Variants in AGPS observed in about 807,000 individuals in gnomAD.
The protein encoded by AGPS is alkyldihydroxyacetonephosphate synthase, peroxisomal.
In AGPS, 26 loss-of-function variants were observed where a neutral mutation model predicts 90.7. The ratio of observed to expected loss-of-function variants is 0.29; its 90% CI spans 0.21 to 0.40. The LOEUF is 0.40. Among genes scored for constraint, AGPS ranks in the 10% least tolerant of loss-of-function variants. The probability of loss-of-function intolerance (pLI) is 1.00; values close to 1 mark genes in which losing one functional copy is unlikely to be tolerated. For synonymous variants in AGPS, 294 were observed against 285.3 expected, an observed-to-expected ratio of 1.03 and a Z score of -0.31; for missense variants, 540 against 816.1, an observed-to-expected ratio of 0.66 and a Z score of 4.12.
At chr2:177,476,607 G>A (rs536839321) in intron 10 of AGPS, among the ~76,000 whole-genome samples, 1 of 152,204 alleles carries the variant, frequency 6.6e-6, no homozygotes, top group South Asian at 2.1e-4. Flanking sequence ...CCTGGAGAAT[G>A]TTCTGTGAGC....
rs542720396 is a variant in AGPS at position 177,446,926 on chromosome 2, T to G, written c.870+1300T>G. 1.1e-4 allele frequency among the ~76,000 whole-genome samples: 16 copies of G among 152,322 alleles called. 1 individual carries two copies. The South Asian group carries it at 1.9e-3, about 18-fold the overall frequency. On this transcript the variant is annotated intron_variant, in intron 8 of 19. Coordinates refer to ENST00000264167, the MANE Select transcript of AGPS (RefSeq NM_003659.4). ...GAGTTCTTATAGTACCTTTTTGGGATCCTAATGAATTTTTGGAAAACTTTA... is the reference window on the plus strand; with the variant it reads ...GAGTTCTTATAGTACCTTTTTGGGAGCCTAATGAATTTTTGGAAAACTTTA...
At chr2:177,416,730 T>C (rs928289131) in intron 1 of AGPS, among the ~76,000 whole-genome samples, 3 of 151,902 alleles carry the variant, frequency 2.0e-5, no homozygotes, top group Non-Finnish European at 2.9e-5. Context: ...GGGGTTTCAC[T>C]ATATTAGCCA....
rs1052579200 is a variant in AGPS, at chr2:177,540,673, T to G, written c.*2478T>G. ...TTCTTAACTCATTTTTAATGTTTAT[T>G]TTTAATTTCAAAAACTTGTTGCCTA... is the stretch of plus-strand genomic sequence containing the variant. On this transcript the variant is annotated 3_prime_UTR_variant, in exon 20 of 20. Transcript: ENST00000264167. 6.6e-6 allele frequency: 1 copy of G among 152,112 alleles called. No homozygotes were observed. The highest frequency in any genetic ancestry group is 1.5e-5 in the Non-Finnish European group (1 of 67,954). The allele number at this position is 152,112 out of a possible 1,614,324, so 9.4% of individuals were successfully genotyped here.
At chr2:177,472,925 T>C (rs1356677821) in intron 10 of AGPS, among the ~76,000 whole-genome samples, 1 of 152,190 alleles carries the variant, frequency 6.6e-6, no homozygotes, top group Non-Finnish European at 1.5e-5. Flanking sequence ...CTTCTTCCCA[T>C]AGCCAGGGCT....
chr2:177,501,805 T>C (rs1688567863), intron 14 of AGPS, among the ~76,000 whole-genome samples: 1 of 152,136 alleles, frequency 6.6e-6, no homozygotes, highest in African/African-American at 2.4e-5. Flanking sequence ...GTAGCTGGGA[T>C]TACAGGCTCA....
intron 1 of AGPS, among the ~76,000 whole-genome samples, chr2:177,415,956 T>G (rs1032144625): frequency 1.3e-5 from 2 of 152,328 alleles, no homozygotes; most frequent in East Asian, 3.9e-4. Context: ...TTATTGGAAT[T>G]TTATCAGAAA....
chr2:177,398,350 A>G (rs1026337565), intron 1 of AGPS, among the ~76,000 whole-genome samples: 1 of 152,244 alleles, frequency 6.6e-6, no homozygotes, highest in Non-Finnish European at 1.5e-5. Context: ...ATATGACAGG[A>G]ACCATGCTAA....
chr2:177,441,206 A>G (rs1224365066), intron 6 of AGPS, 170 bp downstream of exon 6: 2 of 630,486 alleles, frequency 3.2e-6, no homozygotes, highest in Non-Finnish European at 5.6e-6. Flanking sequence ...AGGATTCCTT[A>G]AACTGTTTGA....
chr2:177,441,232 A>G, intron 6 of AGPS, 196 bp downstream of exon 6: 2 of 539,124 alleles, frequency 3.7e-6, no homozygotes, highest in Non-Finnish European at 6.5e-6. Context: ...GGTATACCTT[A>G]GTTCATGGCT....
chr2:177,493,286 G>T, intron 12 of AGPS, 87 bp downstream of exon 12: 1 of 1,165,962 alleles, frequency 8.6e-7, no homozygotes. Flanking sequence ...TGCAGAGGTA[G>T]AAAGAACGTC....
intron 17 of AGPS, among the ~76,000 whole-genome samples, chr2:177,517,704 T>C (rs895261248): frequency 6.6e-6 from 1 of 152,190 alleles, no homozygotes; most frequent in African/African-American, 2.4e-5. Context: ...TGTACAAATA[T>C]TTCCTGTGTA....
chr2:177,538,264 A>G lies in AGPS; in HGVS notation c.*69A>G. On this transcript the variant is annotated 3_prime_UTR_variant, in exon 20 of 20. Transcript: ENST00000264167. ...GTTTTCAACTGTGGTTATACTAGTA[A>G]TCAAATATATCATGGACTATATTTT... 2 of 1,440,454 alleles carry G rather than the reference A, an allele frequency of 1.4e-6. 1 individual carries two copies. 89.2% of individuals were successfully genotyped at this position (1,440,454 alleles called of 1,614,324 possible).
chr2:177,489,913 T>C (rs1476642431), intron 11 of AGPS, among the ~76,000 whole-genome samples: 1 of 152,180 alleles, frequency 6.6e-6, no homozygotes, highest in Non-Finnish European at 1.5e-5. Context: ...TCACTTTAAC[T>C]CAAGGACCTT....
intron 9 of AGPS, among the ~76,000 whole-genome samples, chr2:177,465,128 T>C (rs1289771464): frequency 6.6e-6 from 1 of 152,074 alleles, no homozygotes; most frequent in African/African-American, 2.4e-5. Flanking sequence ...ATGTCATCTC[T>C]ACAAAAAATT....
At chr2:177,528,303 T>TA (rs1367481062) in intron 19 of AGPS, among the ~76,000 whole-genome samples, 2 of 152,186 alleles carry the variant, frequency 1.3e-5, no homozygotes, top group Admixed American at 1.3e-4. Flanking sequence ...ATTAATCTGT[T>TA]AAAAAAATCA....
In AGPS at chr2:177,420,249, A is replaced by G. The variant is rs1255113350; in HGVS notation, c.261-20A>G. 6.8e-7 allele frequency: 1 copy of G among 1,466,048 alleles called. No individual in the cohort carries two copies. Among genetic ancestry groups the G allele is most frequent in the Non-Finnish European group, 9.6e-7 (1 of 1,046,402 alleles). 90.8% of individuals were successfully genotyped at this position (1,466,048 alleles called of 1,614,324 possible). A position where few individuals can be genotyped will look rare whatever the true frequency, so the allele number is the denominator to read the frequency against. ...GATGTTTAGCATTGGTCTCACTTAT[A>G]TATATTTTCTTCTCACTAGGCAAGA... On this transcript the variant is annotated intron_variant, in intron 1 of 19. Coordinates refer to ENST00000264167, the MANE Select transcript of AGPS (RefSeq NM_003659.4).
chr2:177,469,483 G>A (rs1303514299), intron 10 of AGPS, among the ~76,000 whole-genome samples: 1 of 152,098 alleles, frequency 6.6e-6, no homozygotes, highest in Non-Finnish European at 1.5e-5. Flanking sequence ...TTGCTTAGAT[G>A]TTTTTCATGG....
At position 177,434,999 on chromosome 2, in the gene AGPS, A is replaced by G. The variant is rs4893949; in HGVS notation, c.441+582A>G. On this transcript the variant is annotated intron_variant, in intron 3 of 19. Transcript: ENST00000264167. ...GATTAGGAAACTTTAAACTGTAGGT[A>G]TATATATATATATATATATATATAT... Among the ~76,000 whole-genome samples, 340 of 48,474 alleles carry G rather than the reference A, an allele frequency of 7.0e-3. 8 individuals are homozygous for G. The highest frequency in any genetic ancestry group is 0.018 in the East Asian group (36 of 2,048). 31.8% of individuals were successfully genotyped at this position (48,474 alleles called of 152,430 possible). A position where few individuals can be genotyped will look rare whatever the true frequency, so the allele number is the denominator to read the frequency against.
chr2:177,400,149 T>A (rs1218907505), intron 1 of AGPS, among the ~76,000 whole-genome samples: 1 of 152,240 alleles, frequency 6.6e-6, no homozygotes, highest in Non-Finnish European at 1.5e-5. Context: ...ATATTTACTT[T>A]TCTTAAGTAC....
Sources: gnomAD v4.1 joint callset for allele counts (sites outside exome capture counted in the v4.1 genomes callset) on GRCh38, gnomAD v4.1.1 for gene constraint, MANE v1.5 for transcripts, NCBI Gene and HGNC (gene_info 2026-07-23, HGNC 2026-07-21) for gene names.